The following C4orf50 variants were observed in gnomAD, a reference collection of about 807,000 sequenced individuals.
The protein encoded by C4orf50 is uncharacterized protein C4orf50.
Under a neutral mutation model 77.2 loss-of-function variants are expected in C4orf50, and 80 were observed. The ratio of observed to expected loss-of-function variants is 1.04; its 90% CI spans 0.87 to 1.25. The LOEUF is 1.25. Ranked by LOEUF, C4orf50 falls within the 50% of genes most tolerant of loss-of-function variation. C4orf50 has a pLI of 0.00. For synonymous variants in C4orf50, 532 were observed against 465.3 expected (o/e 1.14, Z -1.84); for missense variants, 1,257 against 1,152.9 (o/e 1.09, Z -1.31).
intron 7 of C4orf50, among the ~76,000 whole-genome samples, chr4:5,928,773 T>A (rs1392716338): frequency 6.6e-6 from 1 of 152,242 alleles, no homozygotes. Flanking sequence ...AACGCTTTTT[T>A]AAAAACTTTC....
chr4:6,010,311 G>A (rs1722442475), intron 24 of C4orf50, among the ~76,000 whole-genome samples: 1 of 152,154 alleles, frequency 6.6e-6, no homozygotes. Context: ...CTGAAGTTCA[G>A]TATAAAGGGG....
intron 7 of C4orf50, among the ~76,000 whole-genome samples, chr4:5,921,398 T>C (rs1717263169): frequency 6.6e-6 from 1 of 152,216 alleles, no homozygotes; most frequent in African/African-American, 2.4e-5. Flanking sequence ...CTCCAGGATA[T>C]ATATACACAC....
intron 7 of C4orf50, among the ~76,000 whole-genome samples, chr4:5,940,149 C>T (rs1393012218): frequency 1.3e-5 from 2 of 152,130 alleles, no homozygotes; most frequent in Non-Finnish European, 2.9e-5. Flanking sequence ...TCTCTTTGTC[C>T]CTCACTGGAA....
chr4:5,990,824 G>A (rs769738470), exon 28 of C4orf50: 2 of 399,154 alleles, frequency 5.0e-6, no homozygotes, highest in Non-Finnish European at 8.8e-6. Flanking sequence ...GCCAGAGTAA[G>A]CTACAAATGG....
chr4:6,005,929 G>C (rs1449644750), intron 25 of C4orf50, among the ~76,000 whole-genome samples: 4 of 152,184 alleles, frequency 2.6e-5, no homozygotes, highest in African/African-American at 9.7e-5. Context: ...TGGAGAGATT[G>C]GGGGAAGAAG....
chr4:5,940,072 T>C (rs1345361749), intron 7 of C4orf50, among the ~76,000 whole-genome samples: 1 of 152,208 alleles, frequency 6.6e-6, no homozygotes, highest in African/African-American at 2.4e-5. Context: ...TTCATAAATA[T>C]TCATGACTCC....
chr4:6,006,081 T>C (rs893641191), intron 25 of C4orf50, among the ~76,000 whole-genome samples: 3 of 152,108 alleles, frequency 2.0e-5, no homozygotes, highest in African/African-American at 7.2e-5. Flanking sequence ...TTTTATCTGA[T>C]GAACATAAGG....
intron 25 of C4orf50, 138 bp from the exon 4 acceptor site, chr4:5,994,614 G>C (rs755891135): frequency 1.3e-5 from 5 of 397,558 alleles, no homozygotes; most frequent in African/African-American, 1.0e-4. Context: ...TCAGAGGGCA[G>C]AGAGCTCACA....
intron 7 of C4orf50, among the ~76,000 whole-genome samples, chr4:5,946,099 G>A (rs936289614): frequency 3.9e-5 from 6 of 152,188 alleles, no homozygotes; most frequent in African/African-American, 9.6e-5. Context: ...CTCCAGGAGC[G>A]GCAGCGCCCT....
chr4:5,999,600 C>A (rs1296953261), intron 25 of C4orf50, among the ~76,000 whole-genome samples: 1 of 152,088 alleles, frequency 6.6e-6, no homozygotes, highest in Admixed American at 6.6e-5. Flanking sequence ...ATAACTTCAC[C>A]GATGCCTCAA....
Position 6,007,521 on chromosome 4 carries a change from G to T in C4orf50, c.963+475C>A, listed in dbSNP as rs962782042. Among the ~76,000 whole-genome samples the T allele has an allele frequency of 2.6e-5, 4 of 152,088 alleles. No individual in the cohort carries two copies. Among genetic ancestry groups the T allele is most frequent in the Non-Finnish European group, 5.9e-5 (4 of 68,014 alleles). The stretch of plus-strand genomic sequence containing the variant: ...TTGGACCTCCAGCCTCCAAAAGTGT[G>T]AAAAATAAGTTTCTGTTATTTATAA... On this transcript the variant is annotated intron_variant, in intron 25 of 33. Coordinates refer to ENST00000531445, the Ensembl canonical transcript of C4orf50. This position sits in a 1 kb window ranked among gnomAD's most constrained non-coding sequence, Gnocchi z 4.1.
chr4:5,944,139 C>T lies in C4orf50; in HGVS notation c.*2474+12762G>A, dbSNP rs77163965. On this transcript the variant is annotated intron_variant, in intron 7 of 7. Transcript: ENST00000324058. ...GTCACAATACCTGCGCTCTGGGCAT[C>T]GAGCTTCCCTGGCCTCCTGGTTCCT... Among the ~76,000 whole-genome samples, 172 of 152,288 alleles carry T rather than the reference C, an allele frequency of 1.1e-3. 3 individuals carry two copies. The East Asian group carries it at 0.024, about 21-fold the overall frequency.
intron 7 of C4orf50, among the ~76,000 whole-genome samples, chr4:5,930,026 C>T (rs1717696234): frequency 6.6e-6 from 1 of 152,162 alleles, no homozygotes; most frequent in African/African-American, 2.4e-5. Context: ...CTGTGTCTAA[C>T]AGGACGCAGG....
In C4orf50 at chr4:6,011,099, C is replaced by A. The variant is rs982230712; in HGVS notation, c.426+731G>T. ...GCCCACTGCTTCTCCAGAGAGCTCT[C>A]GAACTTCTCCCCCTGCCTCCATCAT... On this transcript the variant is annotated intron_variant, in intron 24 of 33. Coordinates refer to ENST00000531445, the Ensembl canonical transcript of C4orf50. The surrounding 1 kb of genome is among the most constrained non-coding windows in gnomAD (Gnocchi z 4.2). 6.6e-6 allele frequency among the ~76,000 whole-genome samples: 1 copy of A among 152,128 alleles called. No individual in the cohort carries two copies. Among genetic ancestry groups the A allele is most frequent in the African/African-American group, 2.4e-5 (1 of 41,446 alleles).
At chr4:5,938,253 T>C (rs1242627360) in intron 7 of C4orf50, among the ~76,000 whole-genome samples, 2 of 152,182 alleles carry the variant, frequency 1.3e-5, no homozygotes, top group Non-Finnish European at 2.9e-5. Flanking sequence ...AATTAAAACA[T>C]AAATAATAAG....
chr4:5,912,682 G>A (rs1289915650), intron 7 of C4orf50, among the ~76,000 whole-genome samples: 1 of 152,158 alleles, frequency 6.6e-6, no homozygotes, highest in Non-Finnish European at 1.5e-5. Context: ...CACCATGCAA[G>A]GCCACAGAGG....
exon 34 of C4orf50, chr4:5,959,098 G>C: frequency 5.9e-6 from 2 of 337,522 alleles, no homozygotes; most frequent in Non-Finnish European, 1.1e-5. Context: ...GCCCAGTTGA[G>C]AACCTCTGGA....
At chr4:5,974,102 C>A (rs1019386393) in intron 30 of C4orf50, among the ~76,000 whole-genome samples, 1 of 152,194 alleles carries the variant, frequency 6.6e-6, no homozygotes, top group African/African-American at 2.4e-5. Flanking sequence ...GGGTCAAGAG[C>A]GTGGATTTGG....
At position 5,971,585 on chromosome 4, in the gene C4orf50, C is replaced by T. The variant is rs115673157; in HGVS notation, c.4104+2074G>A. ...CTTATAGGAAATGAATGAATCCGTC[C>T]GATGACATTATTAAAATAACTTTCC... On this transcript the variant is annotated intron_variant, in intron 31 of 33. Coordinates refer to ENST00000531445, the Ensembl canonical transcript of C4orf50. Among the ~76,000 whole-genome samples the T allele has an allele frequency of 7.3e-4, 111 of 152,270 alleles. 1 individual carries two copies. The highest frequency in any genetic ancestry group is 2.5e-3 in the African/African-American group (105 of 41,542).
Sources: gnomAD v4.1 joint callset for allele counts (sites outside exome capture counted in the v4.1 genomes callset) on GRCh38, gnomAD v4.1.1 for gene constraint, Gnocchi (gnomAD v3.1) non-coding constraint, MANE v1.5 for transcripts, NCBI Gene and HGNC (gene_info 2026-07-23, HGNC 2026-07-21) for gene names.